TNRC6B: variants seen among roughly 807,000 people sequenced by gnomAD.
TNRC6B encodes the protein trinucleotide repeat-containing gene 6B protein.
TNRC6B carries 52 observed loss-of-function variants against 203.6 expected under a neutral mutation model. The observed-to-expected ratio is 0.26, with a 90% CI of 0.20 to 0.32. TNRC6B has a LOEUF of 0.32. Ranked by LOEUF, TNRC6B falls within the 10% of genes least tolerant of loss-of-function variation. The pLI is 1.00. For missense variants in TNRC6B, 1,923 were observed against 2,286.2 expected (o/e 0.84, Z 3.24); for synonymous variants, 838 against 845.7 (o/e 0.99, Z 0.16).
At chr22:40,144,472 G>A (rs563194500) in intron 3 of TNRC6B, among the ~76,000 whole-genome samples, 4 of 151,528 alleles carry the variant, frequency 2.6e-5, no homozygotes, top group Admixed American at 6.6e-5. Context: ...TCAGGAGATC[G>A]AGACCATCCT....
rs573658068 is a variant in TNRC6B at position 40,195,643 on chromosome 22, G to A, written c.5+17503G>A. ...CCTGGCTAAATTTTTCTGTAGAGAC[G>A]GGGCCTTGATATGTTGCCCAGGCTG... On this transcript the variant is annotated intron_variant, in intron 1 of 22. Coordinates refer to ENST00000454349, the MANE Select transcript of TNRC6B (RefSeq NM_001162501.2). Among the ~76,000 whole-genome samples, 25 of 152,302 alleles carry A rather than the reference G, an allele frequency of 1.6e-4. 1 individual carries two copies. Among genetic ancestry groups the A allele is most frequent in the Admixed American group, 1.4e-3 (22 of 15,294 alleles).
chr22:40,310,343 G>T (rs1011667), intron 16 of TNRC6B, among the ~76,000 whole-genome samples: 5 of 152,290 alleles, frequency 3.3e-5, no homozygotes, highest in African/African-American at 9.6e-5. Flanking sequence ...TTACACTGCT[G>T]CTTCCAGCTA....
chr22:40,055,701 A>G (rs2067788776), intron 1 of TNRC6B, among the ~76,000 whole-genome samples: 1 of 152,228 alleles, frequency 6.6e-6, no homozygotes, highest in South Asian at 2.1e-4. Context: ...AAATGATGTT[A>G]GGTGGAATTA....
intron 1 of TNRC6B, among the ~76,000 whole-genome samples, chr22:40,227,358 CTTTTTTTTTTT>C (rs71199278): frequency 5.6e-5 from 4 of 70,954 alleles, no homozygotes; most frequent in Admixed American, 2.1e-4. Context: ...CTGAAATTAC[CTTTTTTTTTTT>C]TTTTTTTTTT....
At chr22:40,191,709 G>T (rs1485860244) in intron 1 of TNRC6B, among the ~76,000 whole-genome samples, 2 of 152,162 alleles carry the variant, frequency 1.3e-5, no homozygotes, top group African/African-American at 4.8e-5. Context: ...AGCCTCCTGA[G>T]TAGCTAAGAC....
intron 15 of TNRC6B, among the ~76,000 whole-genome samples, chr22:40,302,632 C>CAA (rs200078286): frequency 1.3e-4 from 9 of 70,432 alleles, no homozygotes; most frequent in South Asian, 4.0e-4. Flanking sequence ...GACCCCATCT[C>CAA]AAAAAAAAAA....
chr22:40,117,975 A>G (rs1212295447), intron 2 of TNRC6B, among the ~76,000 whole-genome samples: 2 of 152,234 alleles, frequency 1.3e-5, no homozygotes, highest in Non-Finnish European at 2.9e-5. Context: ...GCAAGAAAGG[A>G]TGACAGCAGT....
intron 1 of TNRC6B, among the ~76,000 whole-genome samples, chr22:40,067,111 C>G (rs1278176207): frequency 1.3e-5 from 2 of 151,828 alleles, no homozygotes; most frequent in Non-Finnish European, 2.9e-5. Flanking sequence ...GCCATGTTGC[C>G]CAGGCTAGAA....
At chr22:40,112,642 T>G (rs1395763206) in intron 1 of TNRC6B, among the ~76,000 whole-genome samples, 1 of 152,222 alleles carries the variant, frequency 6.6e-6, no homozygotes, top group Non-Finnish European at 1.5e-5. Context: ...TTATTTATTT[T>G]GTGTTTATTT....
intron 21 of TNRC6B, among the ~76,000 whole-genome samples, chr22:40,318,559 A>AT (rs911486384): frequency 1.3e-5 from 2 of 150,036 alleles, no homozygotes; most frequent in Non-Finnish European, 1.5e-5. Flanking sequence ...AGAAAAAAAA[A>AT]TTTTTTTTTT....
At chr22:40,313,866 G>A (rs928091871) in intron 19 of TNRC6B, among the ~76,000 whole-genome samples, 3 of 152,144 alleles carry the variant, frequency 2.0e-5, no homozygotes, top group Non-Finnish European at 4.4e-5. Context: ...AAGGCTATGA[G>A]TAAGTCCTGT....
intron 1 of TNRC6B, among the ~76,000 whole-genome samples, chr22:40,187,561 T>G (rs569713249): frequency 6.6e-6 from 1 of 152,204 alleles, no homozygotes; most frequent in East Asian, 1.9e-4. Flanking sequence ...TGAGTTTCTT[T>G]TGCACTCCCT....
chr22:40,299,154 A>G (rs530971195), intron 12 of TNRC6B, among the ~76,000 whole-genome samples: 13 of 151,548 alleles, frequency 8.6e-5, no homozygotes, highest in East Asian at 1.9e-4. Context: ...CAAAAAAAAA[A>G]AAACAAAAAA....
intron 1 of TNRC6B, 75 bp from the exon 2 acceptor site, chr22:40,245,940 C>T: frequency 8.4e-7 from 1 of 1,192,676 alleles, no homozygotes; most frequent in Non-Finnish European, 1.2e-6. Context: ...CCACCACTTA[C>T]AAGCATTCAA....
chr22:40,227,733 T>C (rs1378847842), intron 1 of TNRC6B, among the ~76,000 whole-genome samples: 2 of 152,200 alleles, frequency 1.3e-5, no homozygotes, highest in African/African-American at 2.4e-5. Flanking sequence ...AGGTCAGTTA[T>C]TATTTATTCT....
At chr22:40,164,385 CT>C (rs1476177053) in intron 4 of TNRC6B, among the ~76,000 whole-genome samples, 1 of 78,600 alleles carries the variant, frequency 1.3e-5, no homozygotes. Context: ...GAGACTCTGC[CT>C]TTAAAAAAAA....
intron 1 of TNRC6B, among the ~76,000 whole-genome samples, chr22:40,101,407 G>A (rs1301231045): frequency 1.3e-5 from 2 of 152,134 alleles, no homozygotes; most frequent in African/African-American, 4.8e-5. Flanking sequence ...ACTAGTTCTG[G>A]GATAAGGTCT....
At chr22:40,199,906 C>T (rs1398074459) in intron 1 of TNRC6B, among the ~76,000 whole-genome samples, 1 of 152,058 alleles carries the variant, frequency 6.6e-6, no homozygotes, top group Non-Finnish European at 1.5e-5. Context: ...AAACGATTCT[C>T]ATGATGCCTC....
intron 1 of TNRC6B, among the ~76,000 whole-genome samples, chr22:40,074,249 AAAAG>A (rs2067984416): frequency 1.4e-5 from 2 of 145,652 alleles, no homozygotes; most frequent in Admixed American, 6.7e-5. Context: ...AAAAAAAAAA[AAAAG>A]AAAAGAAAAT....
Sources: allele counts gnomAD v4.1 joint callset (sites outside exome capture counted in the v4.1 genomes callset), GRCh38; gene constraint gnomAD v4.1.1; transcripts MANE v1.5; gene names NCBI Gene and HGNC (gene_info 2026-07-23, HGNC 2026-07-21).